Variants in DNAJC6 observed in about 807,000 individuals in gnomAD.
DNAJC6 encodes the protein auxilin.
Under a neutral mutation model 110.0 loss-of-function variants are expected in DNAJC6, and 34 were observed. The ratio of observed to expected loss-of-function variants is 0.31; its 90% CI spans 0.24 to 0.41. The LOEUF is 0.41. DNAJC6 is among the 10% of genes least tolerant of loss of function. DNAJC6 has a pLI of 1.00. For missense variants in DNAJC6, 1,031 were observed against 1,207.8 expected, an observed-to-expected ratio of 0.85 and a Z score of 2.17; for synonymous variants, 406 against 437.2, an observed-to-expected ratio of 0.93 and a Z score of 0.89.
chr1:65,369,387 T>C (rs1645684767), intron 4 of DNAJC6, among the ~76,000 whole-genome samples: 1 of 152,240 alleles, frequency 6.6e-6, no homozygotes, highest in East Asian at 1.9e-4. Context: ...CATTGTTGCA[T>C]GACTTAGAAA....
chr1:65,287,161 A>G (rs1654048762), intron 1 of DNAJC6, among the ~76,000 whole-genome samples: 1 of 152,274 alleles, frequency 6.6e-6, no homozygotes, highest in Admixed American at 6.5e-5. Context: ...GAAGTACCAT[A>G]TGTACTAGTC....
At chr1:65,365,452 C>T (rs1051518871) in intron 2 of DNAJC6, among the ~76,000 whole-genome samples, 3 of 152,234 alleles carry the variant, frequency 2.0e-5, no homozygotes, top group Non-Finnish European at 2.9e-5. Flanking sequence ...AAAGATAAAA[C>T]TATTCTTACC....
Position 65,364,624 on chromosome 1 carries a change from T to C in DNAJC6, c.194-11T>C. 1.3e-6 allele frequency: 2 copies of C among 1,550,218 alleles called. No individual in the cohort carries two copies. Among genetic ancestry groups the C allele is most frequent in the Non-Finnish European group, 1.7e-6 (2 of 1,161,102 alleles). On this transcript the variant is annotated splice_polypyrimidine_tract_variant and intron_variant, in intron 1 of 18. Coordinates refer to ENST00000371069, the MANE Select transcript of DNAJC6 (RefSeq NM_001256864.2). ...CATTTTTGTTTGTTTGTTTTTTTTT[T>C]TTTTTGGCAGGTGCCTCATCTCCAG...
At chr1:65,274,746 A>G (rs1451267830) in intron 1 of DNAJC6, among the ~76,000 whole-genome samples, 1 of 152,236 alleles carries the variant, frequency 6.6e-6, no homozygotes, top group Admixed American at 6.5e-5. Flanking sequence ...TAATATAATT[A>G]TTGATGTGTT....
At chr1:65,274,146 A>G (rs935689091) in intron 1 of DNAJC6, among the ~76,000 whole-genome samples, 8 of 152,080 alleles carry the variant, frequency 5.3e-5, no homozygotes, top group Non-Finnish European at 8.8e-5. Flanking sequence ...TTAGGTGCAT[A>G]CCATATACAG....
At chr1:65,356,493 G>C (rs968468005) in intron 1 of DNAJC6, among the ~76,000 whole-genome samples, 6 of 151,716 alleles carry the variant, frequency 4.0e-5, no homozygotes, top group Non-Finnish European at 8.8e-5. Context: ...GAGCCCAGGA[G>C]GTGGAGGTTG....
chr1:65,388,350 G>A lies in DNAJC6; in HGVS notation c.1128G>A (p.Gln376=). 6.2e-7 allele frequency: 1 copy of A among 1,614,020 alleles called. No homozygotes were observed. Among genetic ancestry groups the A allele is most frequent in the Non-Finnish European group, 8.5e-7 (1 of 1,179,940 alleles). The change falls in exon 9 of 19, where the codon CAG becomes CAA. Residue 376 remains glutamine (Q), a synonymous_variant. Coordinates refer to ENST00000371069, the MANE Select transcript of DNAJC6 (RefSeq NM_001256864.2). ...SRLQAKVTNT[Q]IFQLQFHTGF... ...TGTATTTTTAGGTGACCAACACACA[G>A]ATATTCCAGCTTCAGTTTCACACTG...
At chr1:65,288,742 T>C (rs1355999450) in intron 1 of DNAJC6, among the ~76,000 whole-genome samples, 2 of 152,180 alleles carry the variant, frequency 1.3e-5, no homozygotes, top group Non-Finnish European at 2.9e-5. Context: ...ATTTTGTTCA[T>C]TTTTGAATTT....
intron 1 of DNAJC6, among the ~76,000 whole-genome samples, chr1:65,290,472 T>C (rs993753150): frequency 3.3e-5 from 5 of 152,232 alleles, no homozygotes; most frequent in Admixed American, 6.5e-5. Flanking sequence ...CTGAAAGCTT[T>C]GTTTTAGAGT....
chr1:65,297,583 T>C (rs1403044540), intron 1 of DNAJC6, among the ~76,000 whole-genome samples: 2 of 152,224 alleles, frequency 1.3e-5, no homozygotes, highest in Admixed American at 1.3e-4. Context: ...TCCATTTTGC[T>C]ATTCTAACCT....
intron 1 of DNAJC6, among the ~76,000 whole-genome samples, chr1:65,328,005 A>G (rs1439929134): frequency 6.6e-6 from 1 of 152,246 alleles, no homozygotes; most frequent in African/African-American, 2.4e-5. Context: ...GTGAGCCACC[A>G]TGCCCAGCTC....
chr1:65,277,014 AT>A (rs1430130860), intron 1 of DNAJC6, among the ~76,000 whole-genome samples: 1 of 152,136 alleles, frequency 6.6e-6, no homozygotes, highest in African/African-American at 2.4e-5. Flanking sequence ...ATCGTGGCTG[AT>A]TAGTAGCTTT....
intron 1 of DNAJC6, among the ~76,000 whole-genome samples, chr1:65,292,095 C>T (rs1298956109): frequency 1.3e-5 from 2 of 152,190 alleles, no homozygotes; most frequent in Admixed American, 6.5e-5. Flanking sequence ...CAACGCACTA[C>T]AACCTCTGCC....
chr1:65,355,264 CAAA>C (rs58338708), intron 1 of DNAJC6, among the ~76,000 whole-genome samples: 11 of 84,206 alleles, frequency 1.3e-4, no homozygotes, highest in Non-Finnish European at 1.1e-4. Flanking sequence ...CACCCTGTCT[CAAA>C]AAAAAAAAAA....
rs759567966 is a variant in DNAJC6, at chr1:65,366,108, G to A, written c.455G>A (p.Arg152Gln). The A allele has an allele frequency of 6.8e-6, 11 of 1,613,850 alleles. No homozygotes were observed. Among genetic ancestry groups the A allele is most frequent in the South Asian group, 1.1e-5 (1 of 91,074 alleles). Reference sequence around the variant, plus strand: ...TTCAGGAATCAGGTTGATGACATTCGAAGCTTTTTGGATTCCAGACATCTT... The same window carrying A: ...TTCAGGAATCAGGTTGATGACATTCAAAGCTTTTTGGATTCCAGACATCTT... ...IGFRNQVDDI[R>Q]SFLDSRHLDH... The change falls in exon 4 of 19, where the codon CGA becomes CAA. Residue 152 changes from arginine (R) to glutamine (Q), a missense_variant. Physicochemically the swap from Arg to Gln is conservative, Grantham distance 43 (BLOSUM62 1). Coordinates refer to ENST00000371069, the MANE Select transcript of DNAJC6 (RefSeq NM_001256864.2).
intron 6 of DNAJC6, among the ~76,000 whole-genome samples, chr1:65,384,685 A>G (rs1250318338): frequency 1.3e-5 from 2 of 152,006 alleles, no homozygotes; most frequent in African/African-American, 4.8e-5. Context: ...GCATGGGAAA[A>G]CCCGCCCCCA....
At chr1:65,409,625 A>G (rs1646110073) in intron 17 of DNAJC6, among the ~76,000 whole-genome samples, 1 of 152,160 alleles carries the variant, frequency 6.6e-6, no homozygotes, top group South Asian at 2.1e-4. Context: ...CTCTACCGAT[A>G]GAGAAATATT....
chr1:65,278,213 A>G (rs1174699777), intron 1 of DNAJC6, among the ~76,000 whole-genome samples: 8 of 152,246 alleles, frequency 5.3e-5, no homozygotes, highest in Non-Finnish European at 1.0e-4. Context: ...CTCAAATGCA[A>G]GCTCCGTTCA....
At chr1:65,306,678 A>C (rs1385133893), upstream of DNAJC6, among the ~76,000 whole-genome samples, 1 of 152,198 alleles carries the variant, frequency 6.6e-6, no homozygotes, top group Non-Finnish European at 1.5e-5. Context: ...ATGATGTAGT[A>C]TTTTTGAGAT....
Sources: gnomAD v4.1 joint callset for allele counts (sites outside exome capture counted in the v4.1 genomes callset) on GRCh38, gnomAD v4.1.1 for gene constraint, MANE v1.5 for transcripts, NCBI Gene and HGNC (gene_info 2026-07-23, HGNC 2026-07-21) for gene names.